Variants in JAK1 observed in about 807,000 individuals in gnomAD.
JAK1 encodes the protein tyrosine-protein kinase JAK1.
JAK1 carries 16 observed loss-of-function variants against 136.6 expected under a neutral mutation model. The ratio of observed to expected loss-of-function variants is 0.12; its 90% confidence interval spans 0.08 to 0.18. The LOEUF is 0.18. JAK1 is among the 10% of genes least tolerant of loss of function. The probability of loss-of-function intolerance (pLI) is 1.00; values close to 1 mark genes in which losing one functional copy is unlikely to be tolerated. For synonymous variants in JAK1, 492 were observed against 519.5 expected, an observed-to-expected ratio of 0.95 and a Z score of 0.72; for missense variants, 859 against 1,450.1, an observed-to-expected ratio of 0.59 and a Z score of 6.62.
rs1646583179 is a variant in JAK1 at position 64,984,858 on chromosome 1, T to C, written c.-78+59622A>G. On this transcript the variant is annotated intron_variant, in intron 2 of 25. Transcript: ENST00000671954. The surrounding 1 kb of genome is among the most constrained non-coding windows in gnomAD (Gnocchi z 4.1). ...AGGGAAAAGCAATCTGACTAGGAAG[T>C]TGGAGGTCCAGGTGGAGCAGCCGGC... The C allele has an allele frequency of 8.4e-7, 1 of 1,186,158 alleles. No homozygotes were observed. Among genetic ancestry groups the C allele is most frequent in the Admixed American group, 1.7e-5 (1 of 58,418 alleles). 73.5% of individuals were successfully genotyped at this position (1,186,158 alleles called of 1,614,324 possible).
intron 1 of JAK1, chr1:65,067,515 G>T (rs1648122967): frequency 6.9e-6 from 1 of 145,716 alleles, no homozygotes; most frequent in Admixed American, 6.8e-5. Context: ...GCCTCGCGCG[G>T]CCGCACGCCC....
At chr1:64,982,787 C>T (rs1294398408) in intron 2 of JAK1, among the ~76,000 whole-genome samples, 1 of 151,236 alleles carries the variant, frequency 6.6e-6, no homozygotes, top group Non-Finnish European at 1.5e-5. Context: ...TTCATGTGTA[C>T]ATTCAGAATT....
At chr1:64,864,657 G>T in intron 8 of JAK1, 130 bp downstream of exon 8, 1 of 696,800 alleles carries the variant, frequency 1.4e-6, no homozygotes, top group Non-Finnish European at 2.3e-6. Flanking sequence ...GGAACTTTTT[G>T]GCTTCAATAA....
Position 64,877,618 on chromosome 1 carries a change from C to A in JAK1, c.329+1407G>T, listed in dbSNP as rs569637827. The stretch of plus-strand genomic sequence containing the variant: ...CCTTTTCTGGGTATTAGTTTTTCCA[C>A]TGAAAAAAAAATGAAAGAGTTGAAT... On this transcript the variant is annotated intron_variant, in intron 4 of 24. Coordinates refer to ENST00000342505, the MANE Select transcript of JAK1 (RefSeq NM_002227.4). Among the ~76,000 whole-genome samples, 6 of 151,040 alleles carry A rather than the reference C, an allele frequency of 4.0e-5. 1 individual carries two copies. The highest frequency in any genetic ancestry group is 1.2e-4 in the African/African-American group (5 of 40,828).
intron 5 of JAK1, among the ~76,000 whole-genome samples, chr1:64,871,627 C>T (rs894602284): frequency 1.5e-4 from 23 of 152,220 alleles, no homozygotes; most frequent in African/African-American, 5.5e-4. Flanking sequence ...CATCCGACAT[C>T]ACCCAAAACA....
Position 64,834,448 on chromosome 1 carries a change from C to A in JAK1, c.*114G>T. ...ATGTACTGAAGTATGAGTTCAGTGA[C>A]TTTTTGGACAGAACACAAACTTCTT... is the stretch of plus-strand genomic sequence containing the variant. On this transcript the variant is annotated 3_prime_UTR_variant, in exon 25 of 25. Coordinates refer to ENST00000342505, the MANE Select transcript of JAK1 (RefSeq NM_002227.4). 1.4e-6 allele frequency: 1 copy of A among 707,660 alleles called. No homozygotes were observed. Among genetic ancestry groups the A allele is most frequent in the Non-Finnish European group, 2.5e-6 (1 of 402,400 alleles). The allele number at this position is 707,660 out of a possible 1,614,324, so 43.8% of individuals were successfully genotyped here.
intron 2 of JAK1, among the ~76,000 whole-genome samples, chr1:65,008,695 CCTT>C (rs1161543900): frequency 2.6e-5 from 4 of 151,256 alleles, no homozygotes; most frequent in South Asian, 2.1e-4. Flanking sequence ...TTCTCCTTCT[CCTT>C]CTTTTTTATG....
chr1:64,893,108 T>C (rs1170147896), intron 1 of JAK1, among the ~76,000 whole-genome samples: 1 of 150,490 alleles, frequency 6.6e-6, no homozygotes, highest in Non-Finnish European at 1.5e-5. Flanking sequence ...TGGAGAAGAC[T>C]GAAAAAGAGA....
chr1:64,899,455 A>G (rs1214123968), intron 1 of JAK1, among the ~76,000 whole-genome samples: 3 of 152,216 alleles, frequency 2.0e-5, no homozygotes, highest in Non-Finnish European at 4.4e-5. Context: ...GCACACATTC[A>G]ACATTATAGA....
intron 1 of JAK1, among the ~76,000 whole-genome samples, chr1:64,919,939 C>A (rs1270121139): frequency 6.6e-6 from 1 of 151,978 alleles, no homozygotes; most frequent in Non-Finnish European, 1.5e-5. Context: ...CTTCTCACCT[C>A]CAGCACCTGC....
intron 1 of JAK1, among the ~76,000 whole-genome samples, chr1:64,945,070 C>T (rs1371987975): frequency 2.0e-5 from 3 of 151,868 alleles, no homozygotes; most frequent in African/African-American, 7.3e-5. Context: ...AGTCGCATAT[C>T]ACACTACAAT....
intron 2 of JAK1, among the ~76,000 whole-genome samples, chr1:65,042,339 C>A (rs1431998051): frequency 6.6e-6 from 1 of 151,970 alleles, no homozygotes; most frequent in African/African-American, 2.4e-5. Context: ...CCCTCAGATA[C>A]TGAAGGACAA....
intron 2 of JAK1, among the ~76,000 whole-genome samples, chr1:65,032,112 C>A (rs142779739): frequency 6.6e-6 from 1 of 151,974 alleles, no homozygotes; most frequent in Non-Finnish European, 1.5e-5. Context: ...ACTACAGGCA[C>A]GCACCACCAC....
Position 64,962,930 on chromosome 1 carries a change from G to T in JAK1, c.-78+3403C>A, listed in dbSNP as rs545905705. On this transcript the variant is annotated intron_variant, in intron 1 of 24. Coordinates refer to ENST00000342505, the MANE Select transcript of JAK1 (RefSeq NM_002227.4). ...TAAAAAACAACACAAAAATTACCCAGGCATGGTGGAACGTGCCTGTAATCC... is the reference window on the plus strand; with the variant it reads ...TAAAAAACAACACAAAAATTACCCATGCATGGTGGAACGTGCCTGTAATCC... Among the ~76,000 whole-genome samples the T allele has an allele frequency of 1.3e-3, 203 of 152,240 alleles. 1 individual carries two copies. The highest frequency in any genetic ancestry group is 4.5e-3 in the African/African-American group (188 of 41,524).
chr1:64,835,413 G>A lies in JAK1; in HGVS notation c.3352C>T (p.Pro1118Ser). Reference protein sequence around the residue: ...LKEGKRLPCPPNCPDEVYQLM... With the variant: ...LKEGKRLPCPSNCPDEVYQLM... ...ATAGATACCTCATCTGGACAGTTAGGTGGGCACGGCAGGCGTTTTCCTTCT... is the reference window on the plus strand; with the variant it reads ...ATAGATACCTCATCTGGACAGTTAGATGGGCACGGCAGGCGTTTTCCTTCT... Residue 1118 changes from proline to serine, a missense_variant, in exon 24 of 25, where the codon CCT becomes TCT. Physicochemically the swap from Pro to Ser is moderately conservative, Grantham distance 74. This residue lies in a region of JAK1 where 53 missense variants were observed against 64.8 expected (regional missense o/e 0.82). Coordinates refer to ENST00000342505, the MANE Select transcript of JAK1 (RefSeq NM_002227.4). The A allele has an allele frequency of 6.2e-7, 1 of 1,601,068 alleles. No homozygotes were observed. Among genetic ancestry groups the A allele is most frequent in the Non-Finnish European group, 8.5e-7 (1 of 1,172,270 alleles).
chr1:64,886,684 T>TA (rs1251787819), intron 1 of JAK1, among the ~76,000 whole-genome samples: 1 of 151,766 alleles, frequency 6.6e-6, no homozygotes, highest in Non-Finnish European at 1.5e-5. Context: ...AACAATAGTT[T>TA]AAGACACCCA....
chr1:65,059,956 A>G (rs1362013135), intron 1 of JAK1, among the ~76,000 whole-genome samples: 1 of 152,202 alleles, frequency 6.6e-6, no homozygotes, highest in Non-Finnish European at 1.5e-5. Context: ...AACTTTACGT[A>G]CTATGAAAAT....
intron 8 of JAK1, among the ~76,000 whole-genome samples, chr1:64,863,595 A>AT (rs1329590600): frequency 6.6e-6 from 1 of 152,220 alleles, no homozygotes; most frequent in African/African-American, 2.4e-5. Context: ...GCCACCATAA[A>AT]TAAGTAGCTG....
chr1:65,008,915 C>T (rs1646825490), intron 2 of JAK1, among the ~76,000 whole-genome samples: 1 of 152,112 alleles, frequency 6.6e-6, no homozygotes, highest in African/African-American at 2.4e-5. Context: ...TCTCAAACTC[C>T]TGGGCTCAAG....
Sources: allele counts gnomAD v4.1 joint callset (sites outside exome capture counted in the v4.1 genomes callset), GRCh38; gene constraint gnomAD v4.1.1; regional missense constraint gnomAD v4.1.1; non-coding constraint Gnocchi (gnomAD v3.1); transcripts MANE v1.5; gene names NCBI Gene and HGNC (gene_info 2026-07-23, HGNC 2026-07-21).